PAH: variants seen among roughly 807,000 people sequenced by gnomAD.
PAH encodes phenylalanine-4-hydroxylase.
In PAH, 64 loss-of-function variants were observed where a neutral mutation model predicts 62.0. That is an observed-to-expected ratio of 1.03 (90% CI 0.84 to 1.27). The LOEUF is 1.27. Ranked by LOEUF, PAH falls within the 50% of genes most tolerant of loss-of-function variation. PAH has a pLI of 0.00. For synonymous variants in PAH, 195 were observed against 196.2 expected (o/e 0.99, Z 0.05); for missense variants, 579 against 542.8 (o/e 1.07, Z -0.66).
intron 3 of PAH, among the ~76,000 whole-genome samples, chr12:102,882,885 A>G (rs1035173529): frequency 6.6e-6 from 1 of 152,086 alleles, no homozygotes; most frequent in African/African-American, 2.4e-5. Context: ...AATATGACAC[A>G]TCTTAGCACA....
chr12:102,945,753 G>T (rs1401976444), intron 1 of PAH, among the ~76,000 whole-genome samples: 16 of 152,130 alleles, frequency 1.1e-4, no homozygotes, highest in Admixed American at 1.0e-3. Flanking sequence ...CCAAGGCCTG[G>T]AATTGGGAAC....
chr12:102,958,093 A>AT, intron 1 of PAH: 1 of 524,332 alleles, frequency 1.9e-6, no homozygotes, highest in Non-Finnish European at 3.0e-6. Context: ...TTTTGTATAT[A>AT]TTTTTTAACT....
chr12:102,911,860 C>T (rs574958222), intron 2 of PAH, among the ~76,000 whole-genome samples: 1 of 152,318 alleles, frequency 6.6e-6, no homozygotes, highest in Admixed American at 6.5e-5. Context: ...CTACCCCTGC[C>T]TCCCAATCAG....
intron 4 of PAH, among the ~76,000 whole-genome samples, chr12:102,873,778 GGTAA>G (rs2136674768): frequency 6.6e-6 from 1 of 152,174 alleles, no homozygotes; most frequent in East Asian, 1.9e-4. Context: ...GAGTTCCGTG[GGTAA>G]GTAAGTTTTA....
intron 2 of PAH, among the ~76,000 whole-genome samples, chr12:102,907,518 T>C (rs1185913477): frequency 6.6e-6 from 1 of 152,206 alleles, no homozygotes; most frequent in Non-Finnish European, 1.5e-5. Flanking sequence ...TGAAGAGTCA[T>C]ATGTGCCCAG....
rs77554925 is a variant in PAH at position 102,866,605 on chromosome 12, T to A, written c.500A>T (p.Asn167Ile). ...AGCAAGGCAGACTTACTGGCGGTAGTTGTAGGCAATGTCAGCAAACTGCTT... is the reference window on the plus strand; with the variant it reads ...AGCAAGGCAGACTTACTGGCGGTAGATGTAGGCAATGTCAGCAAACTGCTT... Reference protein sequence around the residue: ...RRKQFADIAYNYRHGQPIPRV... With the variant: ...RRKQFADIAYIYRHGQPIPRV... The change falls in exon 5 of 13, where the codon AAC becomes ATC. Residue 167 changes from asparagine to isoleucine, a missense_variant. Coordinates refer to ENST00000553106, the MANE Select transcript of PAH (RefSeq NM_000277.3). The A allele has an allele frequency of 4.6e-5, 74 of 1,613,336 alleles. No homozygotes were observed. Among genetic ancestry groups the A allele is most frequent in the Non-Finnish European group, 5.7e-5 (67 of 1,179,434 alleles).
At chr12:102,860,702 T>C (rs1439716290) in intron 5 of PAH, among the ~76,000 whole-genome samples, 1 of 152,202 alleles carries the variant, frequency 6.6e-6, no homozygotes, top group African/African-American at 2.4e-5. Context: ...CAACTGATCT[T>C]TGACAAACCT....
intron 9 of PAH, 99 bp downstream of exon 9, chr12:102,846,796 C>A: frequency 1.1e-6 from 1 of 952,082 alleles, no homozygotes. Flanking sequence ...ATTTTTTTCC[C>A]CAGATAACCT....
intron 1 of PAH, among the ~76,000 whole-genome samples, chr12:102,956,716 T>C (rs1344874716): frequency 6.7e-6 from 1 of 149,586 alleles, no homozygotes; most frequent in African/African-American, 2.5e-5. Context: ...ATAATCTTTA[T>C]GGGGAGGGGG....
intron 11 of PAH, 129 bp from the exon 12 acceptor site, chr12:102,840,644 G>T (rs1874555341): frequency 2.8e-6 from 2 of 725,502 alleles, no homozygotes; most frequent in East Asian, 5.4e-5. Flanking sequence ...GTCTTCAACA[G>T]CCAGGGCTGA....
At chr12:102,949,332 T>C (rs1879642182) in intron 1 of PAH, among the ~76,000 whole-genome samples, 1 of 152,180 alleles carries the variant, frequency 6.6e-6, no homozygotes, top group African/African-American at 2.4e-5. Context: ...TAATGAAGGT[T>C]CTTATGGCAG....
intron 3 of PAH, among the ~76,000 whole-genome samples, chr12:102,883,429 G>A (rs1876904149): frequency 6.6e-6 from 1 of 152,150 alleles, no homozygotes; most frequent in African/African-American, 2.4e-5. Context: ...TCTAGCTCTG[G>A]GTGACTTTTT....
At chr12:102,882,310 A>C (rs1396249227) in intron 3 of PAH, among the ~76,000 whole-genome samples, 5 of 152,134 alleles carry the variant, frequency 3.3e-5, no homozygotes, top group Non-Finnish European at 5.9e-5. Flanking sequence ...TCAGTCCAGC[A>C]ATGGTTAAGA....
At chr12:102,912,933 C>A in intron 1 of PAH, 35 bp from the exon 2 acceptor site, 1 of 1,437,024 alleles carries the variant, frequency 7.0e-7, no homozygotes, top group Non-Finnish European at 9.8e-7. Flanking sequence ...AAAACATTTT[C>A]CACAGTTTAG....
At chr12:102,954,651 C>T (rs1275008688), upstream of PAH, among the ~76,000 whole-genome samples, 3 of 152,170 alleles carry the variant, frequency 2.0e-5, no homozygotes, top group Non-Finnish European at 4.4e-5. Flanking sequence ...GAGAGCAGAA[C>T]ATGTGGCCAG....
chr12:102,904,836 C>T, intron 2 of PAH: 1 of 387,214 alleles, frequency 2.6e-6, no homozygotes, highest in Admixed American at 3.0e-5. Context: ...CACAGTCCCC[C>T]TGCTCTACCA....
Position 102,851,669 on chromosome 12 carries a change from A to G in PAH, c.912+18T>C. ...GTCACAGACCTATAACTAGAAGGCT[A>G]AAAAATCCATTCCTTACCTGGGAAA... On this transcript the variant is annotated intron_variant, in intron 8 of 12. Coordinates refer to ENST00000553106, the MANE Select transcript of PAH (RefSeq NM_000277.3). 1 of 1,609,420 alleles carries G rather than the reference A, an allele frequency of 6.2e-7. No homozygotes were observed. Among genetic ancestry groups the G allele is most frequent in the Non-Finnish European group, 8.5e-7 (1 of 1,175,996 alleles).
Position 102,843,819 on chromosome 12 carries a change from CAGG to C in PAH, c.1066-43_1066-41del, listed in dbSNP as rs1446732026. ...TGAAAAGTTATTATCACTGTTAAAT[CAGG>C]ATCAGTATTCCCTGCTGCATCCCAT... On this transcript the variant is annotated intron_variant, in intron 10 of 12. Coordinates refer to ENST00000553106, the MANE Select transcript of PAH (RefSeq NM_000277.3). The C allele has an allele frequency of 3.1e-6, 5 of 1,607,020 alleles. No individual in the cohort carries two copies. In the African/African-American group the frequency reaches 6.7e-5, roughly 21 times the overall value.
In PAH at chr12:102,893,482, A is replaced by G. The variant is rs549125803; in HGVS notation, c.352+1253T>C. Among the ~76,000 whole-genome samples the G allele has an allele frequency of 6.6e-5, 10 of 152,344 alleles. No homozygotes were observed. In the South Asian group the frequency reaches 2.1e-3, roughly 32 times the overall value. On this transcript the variant is annotated intron_variant, in intron 3 of 12. Coordinates refer to ENST00000553106, the MANE Select transcript of PAH (RefSeq NM_000277.3). The stretch of plus-strand genomic sequence containing the variant: ...TTTGAATATGCTTGAGGCCCTAAAA[A>G]GCAGTCACCTTCTTCCTCTGTATTG...
Sources: gnomAD v4.1 joint callset for allele counts (sites outside exome capture counted in the v4.1 genomes callset) on GRCh38, gnomAD v4.1.1 for gene constraint, MANE v1.5 for transcripts, NCBI Gene and HGNC (gene_info 2026-07-23, HGNC 2026-07-21) for gene names.